The following ADCY5 variants were observed in gnomAD, a reference collection of about 807,000 sequenced individuals.
The protein encoded by ADCY5 is adenylate cyclase 5.
ADCY5 carries 30 observed loss-of-function variants against 119.7 expected under a neutral mutation model. The ratio of observed to expected loss-of-function variants is 0.25; its 90% CI spans 0.19 to 0.34. The LOEUF is 0.34. Ranked by LOEUF, ADCY5 falls within the 10% of genes least tolerant of loss-of-function variation. ADCY5 has a pLI of 1.00. For synonymous variants in ADCY5, 753 were observed against 762.2 expected (o/e 0.99, Z 0.20); for missense variants, 1,324 against 1,775.2 (o/e 0.75, Z 4.57).
At position 123,432,657 on chromosome 3, in the gene ADCY5, A is replaced by C. The variant is rs375706695; in HGVS notation, c.1134+14755T>G. Reference sequence around the variant, plus strand: ...GTGATCCTCTTGCCTCAGCCTCCTAACTGGGACCACAGGTACATGCCACCT... The same window carrying C: ...GTGATCCTCTTGCCTCAGCCTCCTACCTGGGACCACAGGTACATGCCACCT... On this transcript the variant is annotated intron_variant, in intron 1 of 20. Coordinates refer to ENST00000462833, the MANE Select transcript of ADCY5 (RefSeq NM_183357.3). Among the ~76,000 whole-genome samples, 205 of 152,124 alleles carry C rather than the reference A, an allele frequency of 1.3e-3. 1 individual carries two copies. Among genetic ancestry groups the C allele is most frequent in the African/African-American group, 4.8e-3 (200 of 41,480 alleles).
rs1553739696 is a variant in ADCY5 at position 123,373,770 on chromosome 3, CCG to C, written c.1135-21191_1135-21190del. ...CCAGAAGCATCACGCCCCCCCCCCCCCGACCCCCCCGCAGGTAGCAGAGGATC... is the reference window on the plus strand; with the variant it reads ...CCAGAAGCATCACGCCCCCCCCCCCCACCCCCCCGCAGGTAGCAGAGGATC... On this transcript the variant is annotated intron_variant, in intron 1 of 20. Transcript: ENST00000462833. 8.2e-3 allele frequency among the ~76,000 whole-genome samples: 204 copies of C among 24,898 alleles called. 4 individuals are homozygous for C. The East Asian group carries it at 0.23, about 27-fold the overall frequency. The allele number at this position is 24,898 out of a possible 152,430, so 16.3% of individuals were successfully genotyped here.
At chr3:123,290,056 C>T (rs1480010235) in intron 18 of ADCY5, 102 bp from the exon 19 acceptor site, 8 of 1,141,672 alleles carry the variant, frequency 7.0e-6, no homozygotes, top group African/African-American at 4.6e-5. Context: ...CATGGCCCTT[C>T]ATGTGTCCGC....
At position 123,330,799 on chromosome 3, in the gene ADCY5, C is replaced by T. The variant is rs1353205912; in HGVS notation, c.1646+90G>A. On this transcript the variant is annotated intron_variant, in intron 5 of 20. Coordinates refer to ENST00000462833, the MANE Select transcript of ADCY5 (RefSeq NM_183357.3). Reference sequence around the variant, plus strand: ...ACAGTTTCACCCCACTGTTTCCCTGCCTCCAACTAGGCAGCCGGCAGGTCA... The same window carrying T: ...ACAGTTTCACCCCACTGTTTCCCTGTCTCCAACTAGGCAGCCGGCAGGTCA... 5.5e-6 allele frequency: 8 copies of T among 1,467,496 alleles called. No homozygotes were observed. In the East Asian group the frequency reaches 1.7e-4, roughly 31 times the overall value. The allele number at this position is 1,467,496 out of a possible 1,614,324, so 90.9% of individuals were successfully genotyped here.
chr3:123,311,394 G>A lies in ADCY5; in HGVS notation c.2442+2841C>T, dbSNP rs188927552. Among the ~76,000 whole-genome samples, 529 of 152,352 alleles carry A rather than the reference G, an allele frequency of 3.5e-3. 4 individuals are homozygous for A. Among genetic ancestry groups the A allele is most frequent in the Middle Eastern group, 3.4e-3 (1 of 294 alleles). On this transcript the variant is annotated intron_variant, in intron 12 of 20. Transcript: ENST00000462833. ...GCTCAGAGACAGGCAGACATTCACA[G>A]CGGGGAAGAAGGGGTACTGTTCCCC...
chr3:123,341,498 G>A (rs991177633), intron 3 of ADCY5, among the ~76,000 whole-genome samples: 14 of 151,836 alleles, frequency 9.2e-5, no homozygotes, highest in African/African-American at 2.4e-4. Flanking sequence ...GGGAGTTAGC[G>A]CTTAATGGGT....
At chr3:123,346,934 C>G (rs889328564) in intron 3 of ADCY5, among the ~76,000 whole-genome samples, 5 of 152,176 alleles carry the variant, frequency 3.3e-5, no homozygotes, top group African/African-American at 1.2e-4. Flanking sequence ...ATTTTGCACT[C>G]TATTAATCTA....
intron 10 of ADCY5, among the ~76,000 whole-genome samples, chr3:123,319,413 C>T (rs1941096595): frequency 6.6e-6 from 1 of 151,752 alleles, no homozygotes; most frequent in African/African-American, 2.4e-5. Context: ...CTCACTATGA[C>T]CCTACGAAGT....
chr3:123,357,792 G>A lies in ADCY5; in HGVS notation c.1135-5211C>T, dbSNP rs1471191399. Among the ~76,000 whole-genome samples the A allele has an allele frequency of 3.9e-5, 6 of 152,200 alleles. No homozygotes were observed. In the East Asian group the frequency reaches 1.2e-3, roughly 29 times the overall value. The stretch of plus-strand genomic sequence containing the variant: ...AGGGTGCTAAGGTCCCTGTGCAGAT[G>A]CTCCGCTTATGAATAGTGGGGAGGT... On this transcript the variant is annotated intron_variant, in intron 1 of 20. Coordinates refer to ENST00000462833, the MANE Select transcript of ADCY5 (RefSeq NM_183357.3).
chr3:123,406,417 C>T (rs535504804), intron 1 of ADCY5, among the ~76,000 whole-genome samples: 6 of 152,326 alleles, frequency 3.9e-5, no homozygotes, highest in South Asian at 2.1e-4. Context: ...ATCTTTTCCA[C>T]GGTGGTTGTC....
Position 123,328,956 on chromosome 3 carries a change from A to AGGGCACTGGGGCG in ADCY5, c.1647-167_1647-155dup, listed in dbSNP as rs1190882734. Among the ~76,000 whole-genome samples the AGGGCACTGGGGCG allele has an allele frequency of 1.2e-4, 19 of 152,244 alleles. No homozygotes were observed. In the East Asian group the frequency reaches 3.5e-3, roughly 28 times the overall value. On this transcript the variant is annotated intron_variant, in intron 5 of 20. Transcript: ENST00000462833. ...TAGAGTCCAAGAACGTTCAGCCTGA[A>AGGGCACTGGGGCG]GGGCACTGGGGCGGGCGGCAGGTGC...
rs1392863785 is a variant in ADCY5 at position 123,448,775 on chromosome 3, C to G, written c.-230G>C. 2 of 399,634 alleles carry G rather than the reference C, an allele frequency of 5.0e-6. No homozygotes were observed. Among genetic ancestry groups the G allele is most frequent in the African/African-American group, 4.1e-5 (2 of 48,570 alleles). 24.8% of individuals were successfully genotyped at this position (399,634 alleles called of 1,614,324 possible). On this transcript the variant is annotated 5_prime_UTR_variant, in exon 1 of 21. Coordinates refer to ENST00000462833, the MANE Select transcript of ADCY5 (RefSeq NM_183357.3). ...AGGATCCGCGTCAGAAGTCCCAGGT[C>G]CGAAATGGAGTTGCCTCCGAGGTGG...
At chr3:123,334,524 G>A (rs1348151792) in intron 3 of ADCY5, among the ~76,000 whole-genome samples, 3 of 152,200 alleles carry the variant, frequency 2.0e-5, no homozygotes, top group Admixed American at 6.5e-5. Context: ...GACCACTTGA[G>A]GTCAGGTGTT....
intron 4 of ADCY5, among the ~76,000 whole-genome samples, chr3:123,332,325 C>T (rs1316121823): frequency 6.6e-6 from 1 of 152,256 alleles, no homozygotes; most frequent in African/African-American, 2.4e-5. Context: ...TACACTCTCG[C>T]TTGTGGTCAG....
At chr3:123,302,070 C>G (rs1167953474) in intron 14 of ADCY5, among the ~76,000 whole-genome samples, 1 of 152,268 alleles carries the variant, frequency 6.6e-6, no homozygotes, top group African/African-American at 2.4e-5. Context: ...CACCCCTCAG[C>G]TGCAGTCACA....
intron 17 of ADCY5, among the ~76,000 whole-genome samples, chr3:123,291,793 T>C (rs185332475): frequency 7.9e-5 from 12 of 152,298 alleles, no homozygotes; most frequent in African/African-American, 2.4e-4. Context: ...CCACTGTTCA[T>C]TGTCCTCTTA....
At chr3:123,308,768 G>C (rs982908264) in intron 12 of ADCY5, among the ~76,000 whole-genome samples, 3 of 152,186 alleles carry the variant, frequency 2.0e-5, no homozygotes, top group African/African-American at 7.2e-5. Flanking sequence ...GGCGGAGCTT[G>C]CAGTGAGCCG....
At chr3:123,375,470 C>T (rs1404813694) in intron 1 of ADCY5, among the ~76,000 whole-genome samples, 1 of 152,248 alleles carries the variant, frequency 6.6e-6, no homozygotes, top group African/African-American at 2.4e-5. Flanking sequence ...CAGCTCAGTG[C>T]ACCCTGTTTT....
chr3:123,350,717 C>T (rs893979754), intron 2 of ADCY5, among the ~76,000 whole-genome samples: 8 of 152,296 alleles, frequency 5.3e-5, no homozygotes, highest in South Asian at 2.1e-4. Flanking sequence ...ACATTGGCTC[C>T]GAATATGGAA....
At chr3:123,370,319 T>A (rs186168030) in intron 1 of ADCY5, among the ~76,000 whole-genome samples, 40 of 152,364 alleles carry the variant, frequency 2.6e-4, no homozygotes, top group African/African-American at 8.7e-4. Context: ...TGGCAGAGAC[T>A]GTAAGTTGTC....
Sources: allele counts gnomAD v4.1 joint callset (sites outside exome capture counted in the v4.1 genomes callset), GRCh38; gene constraint gnomAD v4.1.1; transcripts MANE v1.5; gene names NCBI Gene and HGNC (gene_info 2026-07-23, HGNC 2026-07-21).